ADGRV1: variants seen among roughly 807,000 people sequenced by gnomAD.
ADGRV1 encodes the protein G-protein coupled receptor 98.
ADGRV1 carries 359 observed loss-of-function variants against 596.2 expected under a neutral mutation model. The observed-to-expected ratio is 0.60, with a 90% CI of 0.55 to 0.66. The LOEUF (loss-of-function observed/expected upper bound fraction) is 0.66. ADGRV1 is among the 30% of genes least tolerant of loss of function. The pLI, the probability that ADGRV1 is intolerant of heterozygous loss-of-function variation, is 0.00. For missense variants in ADGRV1, 7,274 were observed against 7,575.6 expected (o/e 0.96, Z 1.48); for synonymous variants, 2,681 against 2,679.2 (o/e 1.00, Z -0.02).
chr5:91,149,874 A>AAAAC, intron 87 of ADGRV1, among the ~76,000 whole-genome samples, 156 bp from the exon 88 acceptor site: 1 of 151,484 alleles, frequency 6.6e-6, no homozygotes, highest in East Asian at 1.9e-4. Context: ...GAAAGAAAGA[A>AAAAC]AAACAAATTA....
chr5:90,706,649 AG>A (rs1229625001), intron 38 of ADGRV1, among the ~76,000 whole-genome samples: 10 of 151,892 alleles, frequency 6.6e-5, no homozygotes, highest in African/African-American at 1.2e-4. Flanking sequence ...GGTAACATTT[AG>A]TAAGACACTT....
chr5:91,007,868 A>G (rs1021281730), intron 85 of ADGRV1, among the ~76,000 whole-genome samples: 1 of 152,174 alleles, frequency 6.6e-6, no homozygotes, highest in Non-Finnish European at 1.5e-5. Flanking sequence ...TACATATTCA[A>G]TTATACTACT....
intron 74 of ADGRV1, 68 bp from the exon 75 acceptor site, chr5:90,815,551 T>C (rs1762811270): frequency 3.6e-6 from 3 of 838,508 alleles, no homozygotes; most frequent in Non-Finnish European, 3.9e-6. Context: ...GCTGGCAAGA[T>C]TAGTGGAGCA....
intron 50 of ADGRV1, among the ~76,000 whole-genome samples, chr5:90,735,695 C>T (rs143907327): frequency 2.6e-5 from 4 of 151,978 alleles, no homozygotes; most frequent in East Asian, 1.9e-4. Flanking sequence ...CTTTCATCAG[C>T]GTTGTACAGT....
chr5:91,014,174 A>ACACACACACACACACACACC (rs955977664), intron 85 of ADGRV1, among the ~76,000 whole-genome samples: 3 of 149,998 alleles, frequency 2.0e-5, no homozygotes, highest in East Asian at 2.0e-4. Context: ...ACACACACAC[A>ACACACACACACACACACACC]CCCCTAGACA....
intron 87 of ADGRV1, among the ~76,000 whole-genome samples, chr5:91,116,055 G>C (rs1792826481): frequency 6.6e-6 from 1 of 152,120 alleles, no homozygotes; most frequent in African/African-American, 2.4e-5. Flanking sequence ...TGCCTTCTCA[G>C]AATATGGATA....
intron 85 of ADGRV1, among the ~76,000 whole-genome samples, chr5:91,041,127 C>G (rs561206638): frequency 1.3e-5 from 2 of 152,220 alleles, no homozygotes; most frequent in Non-Finnish European, 2.9e-5. Context: ...CCCAGCAATC[C>G]CATTATTGGG....
chr5:91,043,631 C>G (rs894148912), intron 85 of ADGRV1, among the ~76,000 whole-genome samples: 3 of 152,112 alleles, frequency 2.0e-5, no homozygotes, highest in Non-Finnish European at 4.4e-5. Context: ...TAGTAATTAC[C>G]TCTTAGGATT....
intron 60 of ADGRV1, among the ~76,000 whole-genome samples, chr5:90,775,049 T>C (rs570659266): frequency 1.3e-5 from 2 of 152,294 alleles, no homozygotes; most frequent in East Asian, 1.9e-4. Flanking sequence ...GTTTTTTGGA[T>C]CCATAGAGAA....
chr5:91,100,412 A>G (rs1019173174), intron 86 of ADGRV1, among the ~76,000 whole-genome samples: 20 of 152,036 alleles, frequency 1.3e-4, no homozygotes, highest in African/African-American at 4.6e-4. Context: ...CAATGGAGAA[A>G]GACTTTGTAT....
intron 1 of ADGRV1, among the ~76,000 whole-genome samples, chr5:90,595,410 G>A (rs1760247023): frequency 4.1e-5 from 1 of 24,190 alleles, no homozygotes; most frequent in African/African-American, 2.1e-4. Context: ...CCTCCCTCCC[G>A]GACTGGGCGG....
intron 1 of ADGRV1, among the ~76,000 whole-genome samples, chr5:90,595,604 G>A (rs1476967904): frequency 2.2e-5 from 3 of 135,560 alleles, no homozygotes; most frequent in Non-Finnish European, 4.8e-5. Flanking sequence ...CGGCTGGCCG[G>A]GCGGGGGGCT....
rs2149584580 is a variant in ADGRV1 at position 90,683,797 on chromosome 5, T to C, written c.5876T>C (p.Leu1959Ser). The part of the protein sequence containing the change: ...VSVLSVSSGS[L>S]GAHINATLTV... ...GTCCTCAGTGTTTCCAGTGGTTCTT[T>C]GGGAGCTCATATTAATGCCACGTTA... Residue 1959 changes from leucine (L) to serine (S), a missense_variant, in exon 28 of 90, where the codon TTG becomes TCG. Around this residue, in one of 5 missense-constraint regions of ADGRV1, gnomAD observed 3,643 missense variants for 3,809.2 expected, o/e 0.96. Coordinates refer to ENST00000405460, the MANE Select transcript of ADGRV1 (RefSeq NM_032119.4). 1 of 1,613,890 alleles carries C rather than the reference T, an allele frequency of 6.2e-7. No individual in the cohort carries two copies.
intron 70 of ADGRV1, among the ~76,000 whole-genome samples, chr5:90,796,418 A>G (rs940234896): frequency 6.7e-6 from 1 of 150,118 alleles, no homozygotes; most frequent in Non-Finnish European, 1.5e-5. Flanking sequence ...CAAGAAGACG[A>G]GATTAGAGAA....
chr5:90,890,582 TA>T (rs1770716323), intron 83 of ADGRV1, among the ~76,000 whole-genome samples: 1 of 152,174 alleles, frequency 6.6e-6, no homozygotes, highest in South Asian at 2.1e-4. Flanking sequence ...ATGAAAGACT[TA>T]AACAGTACCT....
chr5:90,752,330 C>T (rs1394070584), intron 53 of ADGRV1, among the ~76,000 whole-genome samples: 1 of 151,980 alleles, frequency 6.6e-6, no homozygotes, highest in African/African-American at 2.4e-5. Context: ...TCAGGGGTAC[C>T]TATGCAAGTT....
At position 90,602,841 on chromosome 5, in the gene ADGRV1, G is replaced by C. The variant is rs1326700965; in HGVS notation, c.23-11994G>C. 2.0e-5 allele frequency among the ~76,000 whole-genome samples: 3 copies of C among 152,262 alleles called. No individual in the cohort carries two copies. The East Asian group carries it at 5.8e-4, about 29-fold the overall frequency. On this transcript the variant is annotated intron_variant, in intron 1 of 89. Coordinates refer to ENST00000405460, the MANE Select transcript of ADGRV1 (RefSeq NM_032119.4). ...TAATAGACATGGTGGTGGCTCAGCA[G>C]AAGCTGGGTGGTTAAAAGATTTGTG...
intron 49 of ADGRV1, among the ~76,000 whole-genome samples, 178 bp from the exon 50 acceptor site, chr5:90,729,464 A>AT (rs1693188535): frequency 6.6e-6 from 1 of 152,208 alleles, no homozygotes; most frequent in African/African-American, 2.4e-5. Flanking sequence ...TATTCCCGTC[A>AT]TGCAGTAAAT....
intron 39 of ADGRV1, among the ~76,000 whole-genome samples, chr5:90,710,305 C>T (rs1749168459): frequency 6.6e-6 from 1 of 152,168 alleles, no homozygotes; most frequent in Non-Finnish European, 1.5e-5. Context: ...TATTTTAAGA[C>T]TAGCCCAGGA....
Sources: gnomAD v4.1 joint callset for allele counts (sites outside exome capture counted in the v4.1 genomes callset) on GRCh38, gnomAD v4.1.1 for gene constraint, gnomAD v4.1.1 regional missense constraint, MANE v1.5 for transcripts, NCBI Gene and HGNC (gene_info 2026-07-23, HGNC 2026-07-21) for gene names.